Variants in SETDB1 observed in about 807,000 individuals in gnomAD.
SETDB1 encodes SET domain bifurcated histone lysine methyltransferase 1.
Under a neutral mutation model 137.4 loss-of-function variants are expected in SETDB1, and 31 were observed. The ratio of observed to expected loss-of-function variants is 0.23; its 90% CI spans 0.17 to 0.30. The LOEUF (loss-of-function observed/expected upper bound fraction) is 0.30. SETDB1 is among the 10% of genes least tolerant of loss of function. The probability of loss-of-function intolerance (pLI) is 1.00; values close to 1 mark genes in which losing one functional copy is unlikely to be tolerated. For synonymous variants in SETDB1, 548 were observed against 579.9 expected (o/e 0.95, Z 0.79); for missense variants, 1,113 against 1,631.5 (o/e 0.68, Z 5.47).
In SETDB1 at chr1:150,932,214, C is replaced by A. The variant is rs1458585391; in HGVS notation, c.412+2096C>A. ...TAGCCTGGGCAACATGGTGAAACCCCTTCTCTAATTTTTTTTTTTTTAAAA... is the reference window on the plus strand; with the variant it reads ...TAGCCTGGGCAACATGGTGAAACCCATTCTCTAATTTTTTTTTTTTTAAAA... On this transcript the variant is annotated intron_variant, in intron 3 of 21. Coordinates refer to ENST00000692827, the MANE Select transcript of SETDB1 (RefSeq NM_001366418.1). Among the ~76,000 whole-genome samples, 11 of 151,000 alleles carry A rather than the reference C, an allele frequency of 7.3e-5. No individual in the cohort carries two copies. In the East Asian group the frequency reaches 1.9e-3, roughly 27 times the overall value.
In SETDB1 at chr1:150,943,911, C is replaced by G; in HGVS notation, c.876-9C>G. ...CCCAGATCTTTCTGCTGTCACTCTT[C>G]TTTTATAGGTTTCTCATTTTCTTTG... On this transcript the variant is annotated splice_polypyrimidine_tract_variant and intron_variant, in intron 7 of 21. Coordinates refer to ENST00000692827, the MANE Select transcript of SETDB1 (RefSeq NM_001366418.1). 4.4e-6 allele frequency: 7 copies of G among 1,583,974 alleles called. No homozygotes were observed. The highest frequency in any genetic ancestry group is 6.1e-6 in the Non-Finnish European group (7 of 1,153,034).
At chr1:150,932,339 G>C (rs1669786192) in intron 3 of SETDB1, among the ~76,000 whole-genome samples, 3 of 151,982 alleles carry the variant, frequency 2.0e-5, no homozygotes, top group Non-Finnish European at 4.4e-5. Context: ...GGGTAATATA[G>C]GCCTTGTAAA....
rs587761380 is a variant in SETDB1 at position 150,964,620 on chromosome 1, A to G, written c.*256A>G. The stretch of plus-strand genomic sequence containing the variant: ...CTCGGCCTGACATCCCTCCCATCCC[A>G]TATTTGTCCAAGTGTTCCTGCTTCT... On this transcript the variant is annotated 3_prime_UTR_variant, in exon 22 of 22. Transcript: ENST00000692827. 9 of 641,710 alleles carry G rather than the reference A, an allele frequency of 1.4e-5. No homozygotes were observed. The highest frequency in any genetic ancestry group is 7.0e-5 in the South Asian group (4 of 57,516). 39.8% of individuals were successfully genotyped at this position (641,710 alleles called of 1,614,324 possible).
chr1:150,936,010 G>A (rs759403677), intron 3 of SETDB1, among the ~76,000 whole-genome samples: 6 of 151,926 alleles, frequency 3.9e-5, no homozygotes, highest in African/African-American at 1.4e-4. Flanking sequence ...TTTTTGAGAC[G>A]GAGTCTCGCT....
chr1:150,949,342 T>TA lies in SETDB1; in HGVS notation c.1425-24dup, dbSNP rs748222940. On this transcript the variant is annotated intron_variant, in intron 11 of 21. Transcript: ENST00000692827. ...ATTATATTTTCCACATCCCTTACTA[T>TA]ATGCCCTCTTCTCTAATCTCCTAGA... The TA allele has an allele frequency of 1.2e-5, 19 of 1,613,814 alleles. No homozygotes were observed. In the African/African-American group the frequency reaches 1.9e-4, roughly 16 times the overall value.
Position 150,927,945 on chromosome 1 carries a change from C to T in SETDB1, c.231C>T (p.His77=), listed in dbSNP as rs200152366. ...WVIQKESEVA[H]VDQLFDDASR... ...TACAGAAAGAATCTGAGGTGGCTCACGTTGACCAACTCTTTGATGATGCAT... is the reference window on the plus strand; with the variant it reads ...TACAGAAAGAATCTGAGGTGGCTCATGTTGACCAACTCTTTGATGATGCAT... Residue 77 remains histidine, a synonymous_variant, in exon 2 of 22, where the codon CAC becomes CAT. Transcript: ENST00000692827. The T allele has an allele frequency of 6.1e-5, 99 of 1,614,176 alleles. No individual in the cohort carries two copies. In the East Asian group the frequency reaches 1.4e-3, roughly 23 times the overall value.
At chr1:150,953,526 C>CA (rs71580345) in intron 14 of SETDB1, among the ~76,000 whole-genome samples, 50,613 of 139,562 alleles carry the variant, frequency 0.36, 9,015 homozygotes, top group South Asian at 0.52. Context: ...AATTCTATCT[C>CA]AAAAAAAAAA....
chr1:150,957,428 A>G (rs587742593), intron 14 of SETDB1, among the ~76,000 whole-genome samples: 1 of 152,356 alleles, frequency 6.6e-6, no homozygotes, highest in South Asian at 2.1e-4. Context: ...GTATATGCTT[A>G]GTAACTAGAA....
At chr1:150,963,870 C>T in intron 20 of SETDB1, 125 bp from the exon 21 acceptor site, 2 of 1,287,128 alleles carry the variant, frequency 1.6e-6, no homozygotes, top group Non-Finnish European at 1.1e-6. Context: ...AGGTAGCTTT[C>T]TTTCAAAGCA....
Position 150,929,891 on chromosome 1 carries a change from T to C in SETDB1, c.261-76T>C. 3 of 1,220,068 alleles carry C rather than the reference T, an allele frequency of 2.5e-6. No homozygotes were observed. The South Asian group carries it at 4.3e-5, about 17-fold the overall frequency. 75.6% of individuals were successfully genotyped at this position (1,220,068 alleles called of 1,614,324 possible). A position where few individuals can be genotyped will look rare whatever the true frequency, so the allele number is the denominator to read the frequency against. Reference sequence around the variant, plus strand: ...TGAGGACTGTCTATACTTAAATATATATACATCGTAATGGATTCTATATCT... The same window carrying C: ...TGAGGACTGTCTATACTTAAATATACATACATCGTAATGGATTCTATATCT... On this transcript the variant is annotated intron_variant, in intron 2 of 21. Coordinates refer to ENST00000692827, the MANE Select transcript of SETDB1 (RefSeq NM_001366418.1).
At chr1:150,951,297 A>G (rs587658417) in intron 13 of SETDB1, 68 bp from the exon 14 acceptor site, 2 of 1,228,414 alleles carry the variant, frequency 1.6e-6, no homozygotes, top group East Asian at 2.3e-5. Flanking sequence ...CCTTGGGTAC[A>G]TGTGTATTGT....
intron 9 of SETDB1, 27 bp downstream of exon 9, chr1:150,945,135 G>A: frequency 3.7e-6 from 6 of 1,613,710 alleles, no homozygotes; most frequent in Non-Finnish European, 5.1e-6. Context: ...CAATTTTGGA[G>A]GCAGAGGTTG....
chr1:150,957,259 T>G, intron 14 of SETDB1, among the ~76,000 whole-genome samples: 1 of 152,092 alleles, frequency 6.6e-6, no homozygotes, highest in Admixed American at 6.5e-5. Flanking sequence ...TCCCAGCTAC[T>G]TGGGAGGCTG....
chr1:150,931,261 C>CCAAAAAAAAAA (rs1669728313), intron 3 of SETDB1, among the ~76,000 whole-genome samples: 1 of 67,480 alleles, frequency 1.5e-5, no homozygotes, highest in Non-Finnish European at 3.0e-5. Context: ...CTCTTGTCTT[C>CCAAAAAAAAAA]AAAAAAAAAA....
In SETDB1 at chr1:150,930,046, G is replaced by A. The variant is rs1166788328; in HGVS notation, c.340G>A (p.Asp114Asn). ...GLQYRDSSSE[D>N]ESSRPTEIIE... ...ACAATACCGGGACAGTAGCTCTGAG[G>A]ACGAATCTTCCCGGCCTACAGAAAT... The change falls in exon 3 of 22, where the codon GAC (aspartate) becomes AAC (asparagine). Residue 114 changes from aspartate (D) to asparagine (N), a missense_variant. Coordinates refer to ENST00000692827, the MANE Select transcript of SETDB1 (RefSeq NM_001366418.1). The A allele has an allele frequency of 2.5e-6, 4 of 1,613,882 alleles. No individual in the cohort carries two copies. Among genetic ancestry groups the A allele is most frequent in the Non-Finnish European group, 3.4e-6 (4 of 1,179,916 alleles).
chr1:150,926,481 T>C lies in SETDB1; in HGVS notation c.-48T>C, dbSNP rs757455029. ...CCTGAGTTGTGAGTCTGGGGTCTGG[T>C]TGGTGAAAAAGAGCCCTTGAAGCTG... On this transcript the variant is annotated 5_prime_UTR_variant, in exon 1 of 22. Coordinates refer to ENST00000692827, the MANE Select transcript of SETDB1 (RefSeq NM_001366418.1). 2 of 323,724 alleles carry C rather than the reference T, an allele frequency of 6.2e-6. No individual in the cohort carries two copies. Among genetic ancestry groups the C allele is most frequent in the South Asian group, 2.5e-5 (1 of 39,504 alleles). 20.1% of individuals were successfully genotyped at this position (323,724 alleles called of 1,614,324 possible).
At position 150,957,311 on chromosome 1, in the gene SETDB1, G is replaced by A. The variant is rs587756098; in HGVS notation, c.2334-1867G>A. 5.6e-4 allele frequency among the ~76,000 whole-genome samples: 86 copies of A among 152,232 alleles called. 1 individual carries two copies. Among genetic ancestry groups the A allele is most frequent in the Middle Eastern group, 3.4e-3 (1 of 294 alleles). Reference sequence around the variant, plus strand: ...TGAACCCAGGAAGCGGAGGTTGGGCGACAAAGCGAGACTGTGTCTCAAAAA... The same window carrying A: ...TGAACCCAGGAAGCGGAGGTTGGGCAACAAAGCGAGACTGTGTCTCAAAAA... On this transcript the variant is annotated intron_variant, in intron 14 of 21. Coordinates refer to ENST00000692827, the MANE Select transcript of SETDB1 (RefSeq NM_001366418.1).
chr1:150,943,503 C>G (rs1670226224), intron 7 of SETDB1, among the ~76,000 whole-genome samples: 1 of 152,180 alleles, frequency 6.6e-6, no homozygotes, highest in African/African-American at 2.4e-5. Flanking sequence ...TGGTGAAACC[C>G]TGTCTCTACT....
At position 150,945,683 on chromosome 1, in the gene SETDB1, T is replaced by TA. The variant is rs1670300262; in HGVS notation, c.1140+576dup. Among the ~76,000 whole-genome samples the TA allele has an allele frequency of 7.9e-5, 12 of 152,348 alleles. No individual in the cohort carries two copies. The South Asian group carries it at 2.5e-3, about 32-fold the overall frequency. On this transcript the variant is annotated intron_variant, in intron 9 of 21. Transcript: ENST00000692827. ...TCTTCTTGGTGTTACCTCAGCCCGT[T>TA]ACTTCTAAGGCCTTATGATCCTTAT...
Sources: gnomAD v4.1 joint callset for allele counts (sites outside exome capture counted in the v4.1 genomes callset) on GRCh38, gnomAD v4.1.1 for gene constraint, MANE v1.5 for transcripts, NCBI Gene and HGNC (gene_info 2026-07-23, HGNC 2026-07-21) for gene names.